Variants in RELCH observed in about 807,000 individuals in gnomAD.
RELCH encodes RAB11-binding protein RELCH.
Under a neutral mutation model 150.3 loss-of-function variants are expected in RELCH, and 41 were observed. The observed-to-expected ratio is 0.27, with a 90% CI of 0.21 to 0.35. The LOEUF is 0.35. Among genes scored for constraint, RELCH ranks in the 10% least tolerant of loss-of-function variants. The pLI, the probability that RELCH is intolerant of heterozygous loss-of-function variation, is 1.00. For missense variants in RELCH, 1,092 were observed against 1,467.8 expected, an observed-to-expected ratio of 0.74 and a Z score of 4.18; for synonymous variants, 478 against 531.8, an observed-to-expected ratio of 0.90 and a Z score of 1.39.
At chr18:62,211,770 A>T (rs1219715795) in intron 2 of RELCH, among the ~76,000 whole-genome samples, 2 of 151,998 alleles carry the variant, frequency 1.3e-5, no homozygotes, top group Non-Finnish European at 2.9e-5. Context: ...AAATTAAAAA[A>T]AAATAAATAA....
At chr18:62,218,071 G>C (rs1007853279) in intron 2 of RELCH, among the ~76,000 whole-genome samples, 3 of 151,880 alleles carry the variant, frequency 2.0e-5, no homozygotes, top group Non-Finnish European at 4.4e-5. Context: ...TTATTTTAGG[G>C]ACGGGTTTTT....
intron 1 of RELCH, among the ~76,000 whole-genome samples, chr18:62,194,033 C>G (rs2038845675): frequency 6.6e-6 from 1 of 152,066 alleles, no homozygotes; most frequent in South Asian, 2.1e-4. Flanking sequence ...ATGGCTTGAG[C>G]CCAGGAGTTT....
intron 28 of RELCH, among the ~76,000 whole-genome samples, chr18:62,299,284 AATTGGAATCCAAGG>A (rs1446593563): frequency 6.6e-6 from 1 of 152,300 alleles, no homozygotes; most frequent in Admixed American, 6.5e-5. Context: ...TAATCAAACT[AATTGGAATCCAAGG>A]ATTCAGTAAA....
intron 2 of RELCH, among the ~76,000 whole-genome samples, chr18:62,211,811 T>G (rs2040188979): frequency 6.6e-6 from 1 of 151,232 alleles, no homozygotes. Flanking sequence ...AATAAAAAGG[T>G]TAAAATACTT....
intron 1 of RELCH, among the ~76,000 whole-genome samples, chr18:62,188,433 T>C (rs1443421513): frequency 6.6e-6 from 1 of 152,210 alleles, no homozygotes; most frequent in Non-Finnish European, 1.5e-5. Context: ...CAGTAGTTCT[T>C]TGAGTCTGAG....
intron 2 of RELCH, among the ~76,000 whole-genome samples, chr18:62,215,781 C>T (rs971386954): frequency 2.0e-5 from 3 of 152,018 alleles, no homozygotes; most frequent in African/African-American, 7.2e-5. Flanking sequence ...TTCCAGAGCC[C>T]ACAATAGATC....
Position 62,309,052 on chromosome 18 carries a change from C to G in RELCH, c.*3518C>G, listed in dbSNP as rs1388287451. 1 of 151,980 alleles carries G rather than the reference C, an allele frequency of 6.6e-6. No homozygotes were observed. Among genetic ancestry groups the G allele is most frequent in the Non-Finnish European group, 1.5e-5 (1 of 68,032 alleles). The allele number at this position is 151,980 out of a possible 1,614,324, so 9.4% of individuals were successfully genotyped here. A position where few individuals can be genotyped will look rare whatever the true frequency, so the allele number is the denominator to read the frequency against. ...GCCGGGAGTTCAAGACTAGCCTGAC[C>G]AACATGGTGAAACCGTCTCTACTAA... On this transcript the variant is annotated 3_prime_UTR_variant, in exon 29 of 29. Transcript: ENST00000644646.
intron 1 of RELCH, among the ~76,000 whole-genome samples, chr18:62,191,294 T>A (rs1445183600): frequency 1.3e-5 from 2 of 152,252 alleles, no homozygotes; most frequent in East Asian, 3.8e-4. Flanking sequence ...GTCATTTTAG[T>A]GAGAATGTAG....
Position 62,282,398 on chromosome 18 carries a change from A to G in RELCH, c.3207A>G (p.Thr1069=), listed in dbSNP as rs2044562763. The part of the protein sequence containing the change: ...QHSLHTEIIK[T]FGRVGPNAEP... Reference sequence around the variant, plus strand: ...CTTTGCATACAGAGATCATAAAAACATTTGGTAGAGTTGGCCCTAACGCAG... The same window carrying G: ...CTTTGCATACAGAGATCATAAAAACGTTTGGTAGAGTTGGCCCTAACGCAG... The change falls in exon 25 of 29, where the codon ACA becomes ACG. Residue 1069 remains threonine, a synonymous_variant. Coordinates refer to ENST00000644646, the MANE Select transcript of RELCH (RefSeq NM_001346231.2). 2.5e-6 allele frequency: 4 copies of G among 1,613,060 alleles called. No homozygotes were observed. The East Asian group carries it at 8.9e-5, about 36-fold the overall frequency.
chr18:62,232,450 C>T (rs1443355202), intron 10 of RELCH, 23 bp downstream of exon 10: 7 of 1,402,610 alleles, frequency 5.0e-6, no homozygotes, highest in African/African-American at 1.4e-5. Context: ...AAAGTATTTT[C>T]GTCCCAGTAA....
At chr18:62,201,965 A>G (rs535939680) in intron 1 of RELCH, among the ~76,000 whole-genome samples, 9 of 152,350 alleles carry the variant, frequency 5.9e-5, no homozygotes, top group African/African-American at 1.9e-4. Flanking sequence ...AAATGTAAAT[A>G]TAAATAAAAC....
In RELCH at chr18:62,279,759, G is replaced by A. The variant is rs1376050376; in HGVS notation, c.2968-15G>A. The A allele has an allele frequency of 2.0e-6, 3 of 1,520,910 alleles. No individual in the cohort carries two copies. In the Admixed American group the frequency reaches 5.9e-5, roughly 30 times the overall value. The allele number at this position is 1,520,910 out of a possible 1,614,324, so 94.2% of individuals were successfully genotyped here. ...CGTGCATCACCTGTGAATACCCCCT[G>A]TGCTGACCAATCAGCTGTTGGTGAA... On this transcript the variant is annotated splice_polypyrimidine_tract_variant and intron_variant, in intron 22 of 28. Coordinates refer to ENST00000644646, the MANE Select transcript of RELCH (RefSeq NM_001346231.2).
At chr18:62,241,556 A>G (rs2042148741) in intron 10 of RELCH, among the ~76,000 whole-genome samples, 1 of 152,162 alleles carries the variant, frequency 6.6e-6, no homozygotes, top group Non-Finnish European at 1.5e-5. Flanking sequence ...GTTAAATCTA[A>G]TATGCCTAAG....
intron 12 of RELCH, 91 bp from the exon 13 acceptor site, chr18:62,255,316 C>A (rs2042939512): frequency 1.1e-6 from 1 of 901,812 alleles, no homozygotes; most frequent in Non-Finnish European, 1.8e-6. Flanking sequence ...TTATTGCATT[C>A]TTAACAGGAT....
chr18:62,285,042 C>A (rs2144990648), intron 25 of RELCH, among the ~76,000 whole-genome samples: 1 of 152,176 alleles, frequency 6.6e-6, no homozygotes, highest in South Asian at 2.1e-4. Flanking sequence ...AACAAACAAA[C>A]AAAAATAGGA....
At chr18:62,254,816 A>G (rs2042911932) in intron 12 of RELCH, 1 of 152,324 alleles carries the variant, frequency 6.6e-6, no homozygotes, top group Non-Finnish European at 1.5e-5. Context: ...AAAACCCAGT[A>G]TGTGTCATTT....
chr18:62,264,582 C>A (rs2043450044), intron 17 of RELCH, 147 bp from the exon 18 acceptor site: 1 of 622,250 alleles, frequency 1.6e-6, no homozygotes, highest in African/African-American at 1.8e-5. Context: ...TGTAATCTTA[C>A]AACCTATTCA....
intron 15 of RELCH, among the ~76,000 whole-genome samples, chr18:62,260,706 G>T (rs2043222551): frequency 6.6e-6 from 1 of 151,788 alleles, no homozygotes; most frequent in African/African-American, 2.4e-5. Flanking sequence ...AGAAAATATG[G>T]TATATATAAA....
chr18:62,196,904 T>C (rs2148208291), intron 1 of RELCH, among the ~76,000 whole-genome samples: 1 of 152,352 alleles, frequency 6.6e-6, no homozygotes, highest in South Asian at 2.1e-4. Flanking sequence ...GTTTACAGAA[T>C]ATAAACATTC....
Sources: gnomAD v4.1 joint callset for allele counts (sites outside exome capture counted in the v4.1 genomes callset) on GRCh38, gnomAD v4.1.1 for gene constraint, MANE v1.5 for transcripts, NCBI Gene and HGNC (gene_info 2026-07-23, HGNC 2026-07-21) for gene names.